Variants in TIPRL observed in about 807,000 individuals in gnomAD.
TIPRL encodes the protein TIP41-like protein.
Under a neutral mutation model 32.3 loss-of-function variants are expected in TIPRL, and 10 were observed. The observed-to-expected ratio is 0.31, with a 90% confidence interval of 0.19 to 0.52. The LOEUF (loss-of-function observed/expected upper bound fraction) is 0.52. Among genes scored for constraint, TIPRL ranks in the 20% least tolerant of loss-of-function variants. TIPRL has a pLI of 0.96. For missense variants in TIPRL, 250 were observed against 328.1 expected (o/e 0.76, Z 1.84); for synonymous variants, 100 against 114.0 (o/e 0.88, Z 0.78).
chr1:168,190,741 G>A (rs1412556610), intron 3 of TIPRL, among the ~76,000 whole-genome samples: 1 of 152,150 alleles, frequency 6.6e-6, no homozygotes, highest in Non-Finnish European at 1.5e-5. Flanking sequence ...TCTGCCTTGG[G>A]ACTGTTGATG....
intron 1 of TIPRL, among the ~76,000 whole-genome samples, chr1:168,181,582 A>G (rs544045584): frequency 3.3e-5 from 5 of 150,254 alleles, no homozygotes; most frequent in Admixed American, 2.7e-4. Context: ...TAATTGCAAA[A>G]CCGCAATTAC....
intron 3 of TIPRL, among the ~76,000 whole-genome samples, chr1:168,188,293 C>A (rs1410578186): frequency 1.3e-5 from 2 of 152,032 alleles, no homozygotes; most frequent in East Asian, 3.9e-4. Flanking sequence ...TTGTTTAGTT[C>A]TGACAGGCGC....
intron 4 of TIPRL, among the ~76,000 whole-genome samples, chr1:168,193,513 T>A (rs575176154): frequency 1.2e-4 from 19 of 152,346 alleles, no homozygotes; most frequent in African/African-American, 4.3e-4. Flanking sequence ...TTTCCACTTG[T>A]CTACCACCTG....
rs754099673 is a variant in TIPRL at position 168,191,494 on chromosome 1, G to A, written c.510G>A (p.Val170=). Residue 170 remains valine, a synonymous_variant, in exon 4 of 7, where the codon GTG becomes GTA. Coordinates refer to ENST00000367833, the MANE Select transcript of TIPRL (RefSeq NM_152902.5). ...ATCATGGAGTTTCAAGCCTGAGTGT[G>A]AAGATTGTGAGTATTATTTTTATTT... ...LHDHGVSSLS[V]KIRVMPSSFF... 3 of 1,494,750 alleles carry A rather than the reference G, an allele frequency of 2.0e-6. No individual in the cohort carries two copies. Among genetic ancestry groups the A allele is most frequent in the Admixed American group, 2.7e-5 (1 of 37,704 alleles). 92.6% of individuals were successfully genotyped at this position (1,494,750 alleles called of 1,614,324 possible). A position where few individuals can be genotyped will look rare whatever the true frequency, so the allele number is the denominator to read the frequency against.
At position 168,200,147 on chromosome 1, in the gene TIPRL, C is replaced by A; in HGVS notation, c.*101C>A. The A allele has an allele frequency of 7.6e-7, 1 of 1,315,948 alleles. No individual in the cohort carries two copies. The highest frequency in any genetic ancestry group is 1.6e-5 in the South Asian group (1 of 62,044). 81.5% of individuals were successfully genotyped at this position (1,315,948 alleles called of 1,614,324 possible). On this transcript the variant is annotated 3_prime_UTR_variant, in exon 7 of 7. Transcript: ENST00000367833. ...GAGAATTAATTGCCTTGTTTATGTA[C>A]AGATTTTCTGTAGCCTTAAAGGAAA... is the stretch of plus-strand genomic sequence containing the variant.
intron 2 of TIPRL, 61 bp from the exon 3 acceptor site, chr1:168,184,718 A>G: frequency 1.0e-6 from 1 of 1,000,340 alleles, no homozygotes. Context: ...TGTGATATAT[A>G]AATACAGATA....
intron 2 of TIPRL, among the ~76,000 whole-genome samples, chr1:168,184,312 G>T (rs1172380374): frequency 6.6e-6 from 1 of 152,194 alleles, no homozygotes; most frequent in Admixed American, 6.5e-5. Context: ...ACTGAGCTGA[G>T]CTATGTACGT....
chr1:168,196,116 A>G (rs1200631763), intron 4 of TIPRL, among the ~76,000 whole-genome samples: 1 of 152,242 alleles, frequency 6.6e-6, no homozygotes, highest in Non-Finnish European at 1.5e-5. Flanking sequence ...GAATTAGAGC[A>G]TTCTGTGTAA....
rs1700207225 is a variant in TIPRL, at chr1:168,201,507, C to G, written c.*1461C>G. 6.6e-6 allele frequency: 1 copy of G among 151,988 alleles called. No homozygotes were observed. The allele number at this position is 151,988 out of a possible 1,614,324, so 9.4% of individuals were successfully genotyped here. A position where few individuals can be genotyped will look rare whatever the true frequency, so the allele number is the denominator to read the frequency against. On this transcript the variant is annotated 3_prime_UTR_variant, in exon 7 of 7. Transcript: ENST00000367833. ...TTGTCTTCTGCCTTCTGTATCACCT[C>G]CAAGCTATAGGAAATCAGGATTTTG...
intron 1 of TIPRL, 74 bp downstream of exon 1, chr1:168,179,255 G>T: frequency 3.8e-6 from 5 of 1,331,180 alleles, no homozygotes; most frequent in South Asian, 3.6e-5. Context: ...CGAACTCTGT[G>T]CAGCCCCTCC....
At chr1:168,186,316 T>A (rs190269491) in intron 3 of TIPRL, among the ~76,000 whole-genome samples, 8 of 151,806 alleles carry the variant, frequency 5.3e-5, no homozygotes, top group African/African-American at 1.9e-4. Flanking sequence ...GCCAACATAG[T>A]GAGACCGCAC....
Position 168,201,832 on chromosome 1 carries a change from T to C in TIPRL, c.*1786T>C, listed in dbSNP as rs1700211750. On this transcript the variant is annotated 3_prime_UTR_variant, in exon 7 of 7. Coordinates refer to ENST00000367833, the MANE Select transcript of TIPRL (RefSeq NM_152902.5). ...ATACAGACATTTTTTTTTTAACTTG[T>C]TGATTCAGATGTCTTGGTCCCTGAA... 4 of 151,522 alleles carry C rather than the reference T, an allele frequency of 2.6e-5. No individual in the cohort carries two copies. The highest frequency in any genetic ancestry group is 2.6e-4 in the Admixed American group (4 of 15,188). 9.4% of individuals were successfully genotyped at this position (151,522 alleles called of 1,614,324 possible).
At position 168,199,320 on chromosome 1, in the gene TIPRL, T is replaced by A. The variant is rs1234588250; in HGVS notation, c.675+339T>A. Among the ~76,000 whole-genome samples, 5 of 152,300 alleles carry A rather than the reference T, an allele frequency of 3.3e-5. No homozygotes were observed. In the East Asian group the frequency reaches 9.6e-4, roughly 29 times the overall value. On this transcript the variant is annotated intron_variant, in intron 6 of 6. Coordinates refer to ENST00000367833, the MANE Select transcript of TIPRL (RefSeq NM_152902.5). ...TTACCACCCTGCCGCCTTATTTCTT[T>A]CTACATAGTCTCCTTTTCTCTTCCG...
intron 4 of TIPRL, chr1:168,192,511 C>A: frequency 1.5e-6 from 1 of 679,604 alleles, no homozygotes; most frequent in Non-Finnish European, 1.8e-6. Context: ...CTTTAAGACC[C>A]AAAGACCCAG....
chr1:168,192,447 C>T, intron 4 of TIPRL: 1 of 989,008 alleles, frequency 1.0e-6, no homozygotes, highest in Non-Finnish European at 1.2e-6. Flanking sequence ...ATAATTGGGT[C>T]TCTAATACTT....
intron 3 of TIPRL, among the ~76,000 whole-genome samples, chr1:168,185,736 C>T (rs1700018621): frequency 6.9e-6 from 1 of 144,166 alleles, no homozygotes; most frequent in African/African-American, 2.6e-5. Flanking sequence ...CGCCACTGCA[C>T]TCCAGCCTGG....
At chr1:168,199,845 T>C in intron 6 of TIPRL, 58 bp from the exon 7 acceptor site, 1 of 1,541,180 alleles carries the variant, frequency 6.5e-7, no homozygotes. Flanking sequence ...ACCAAAACAT[T>C]TGTAAAAAAT....
chr1:168,184,726 A>G, intron 2 of TIPRL, 53 bp from the exon 3 acceptor site: 2 of 1,079,394 alleles, frequency 1.9e-6, no homozygotes, highest in Non-Finnish European at 2.8e-6. Flanking sequence ...ATAAATACAG[A>G]TAATCTCTAT....
rs575365174 is a variant in TIPRL, at chr1:168,201,177, G to A, written c.*1131G>A. On this transcript the variant is annotated 3_prime_UTR_variant, in exon 7 of 7. Coordinates refer to ENST00000367833, the MANE Select transcript of TIPRL (RefSeq NM_152902.5). The stretch of plus-strand genomic sequence containing the variant: ...TCTAGAAAAATGGTTGTCATAAAGT[G>A]GAAAGTGATTAAAAAGCATCAAATA... 8.5e-5 allele frequency: 13 copies of A among 152,252 alleles called. No homozygotes were observed. The South Asian group carries it at 1.9e-3, about 22-fold the overall frequency. The allele number at this position is 152,252 out of a possible 1,614,324, so 9.4% of individuals were successfully genotyped here.
Sources: gnomAD v4.1 joint callset for allele counts (sites outside exome capture counted in the v4.1 genomes callset) on GRCh38, gnomAD v4.1.1 for gene constraint, MANE v1.5 for transcripts, NCBI Gene and HGNC (gene_info 2026-07-23, HGNC 2026-07-21) for gene names.